The following GOLGB1 variants were observed in gnomAD, a reference collection of about 807,000 sequenced individuals.
GOLGB1 encodes the protein golgin B1.
In GOLGB1, 174 loss-of-function variants were observed where a neutral mutation model predicts 336.9. That is an observed-to-expected ratio of 0.52 (90% CI 0.46 to 0.59). GOLGB1 has a LOEUF of 0.59. Ranked by LOEUF, GOLGB1 falls within the 20% of genes least tolerant of loss-of-function variation. The pLI is 0.00. For synonymous variants in GOLGB1, 1,208 were observed against 1,289.2 expected (o/e 0.94, Z 1.35); for missense variants, 3,331 against 3,645.3 (o/e 0.91, Z 2.22).
At chr3:121,716,092 T>TGTC (rs1229970907) in intron 9 of GOLGB1, among the ~76,000 whole-genome samples, 1 of 152,206 alleles carries the variant, frequency 6.6e-6, no homozygotes, top group African/African-American at 2.4e-5. Context: ...TTTATGTCTA[T>TGTC]GTCAATATAT....
rs763594097 is a variant in GOLGB1 at position 121,694,952 on chromosome 3, T to G, written c.5571A>C (p.Leu1857Phe). 6.2e-7 allele frequency: 1 copy of G among 1,614,156 alleles called. No individual in the cohort carries two copies. Among genetic ancestry groups the G allele is most frequent in the East Asian group, 2.2e-5 (1 of 44,880 alleles). The stretch of plus-strand genomic sequence containing the variant: ...CCTTGTTTTTCTGCTTCTCCTCCTC[T>G]AATCCAGCAATTCTTTCTTTGAGCT... ...IDQLKERIAGLEEEKQKNKEF... is the reference protein window; with the variant it reads ...IDQLKERIAGFEEEKQKNKEF... The change falls in exon 13 of 22, where the codon TTA becomes TTC. Residue 1857 changes from leucine to phenylalanine, a missense_variant. By Grantham distance (22) the Leu-to-Phe change is conservative (BLOSUM62 0). Coordinates refer to ENST00000614479, the MANE Select transcript of GOLGB1 (RefSeq NM_001366282.2).
At chr3:121,665,869 C>T (rs893694642) in intron 20 of GOLGB1, among the ~76,000 whole-genome samples, 48 of 152,276 alleles carry the variant, frequency 3.2e-4, no homozygotes, top group Middle Eastern at 6.8e-3. Context: ...TTCTTTTCCC[C>T]GGGAGAGAAG....
chr3:121,687,747 C>T (rs1229670393), intron 14 of GOLGB1, among the ~76,000 whole-genome samples: 1 of 152,154 alleles, frequency 6.6e-6, no homozygotes, highest in Admixed American at 6.6e-5. Context: ...ACATAGTTAG[C>T]TAATTCAGAA....
At chr3:121,733,839 T>C (rs540200609) in intron 1 of GOLGB1, among the ~76,000 whole-genome samples, 8 of 152,250 alleles carry the variant, frequency 5.3e-5, no homozygotes, top group South Asian at 2.1e-4. Flanking sequence ...TGTGGAACAA[T>C]TGGACATCTG....
Position 121,694,919 on chromosome 3 carries a change from G to A in GOLGB1, c.5604C>T (p.Ser1868=), listed in dbSNP as rs1942799950. ...EEEKQKNKEF[S]QTLENEKNTL... is the part of the protein sequence containing the mutation. The stretch of plus-strand genomic sequence containing the variant: ...TATTTTTCTCATTTTCTAAAGTCTG[G>A]CTAAATTCCTTGTTTTTCTGCTTCT... The change falls in exon 13 of 22, where the codon AGC becomes AGT. Residue 1868 remains serine, a synonymous_variant. Coordinates refer to ENST00000614479, the MANE Select transcript of GOLGB1 (RefSeq NM_001366282.2). 6.2e-7 allele frequency: 1 copy of A among 1,613,850 alleles called. No homozygotes were observed. Among genetic ancestry groups the A allele is most frequent in the Non-Finnish European group, 8.5e-7 (1 of 1,179,820 alleles).
chr3:121,727,928 C>A (rs1945799230), intron 4 of GOLGB1, among the ~76,000 whole-genome samples: 1 of 152,156 alleles, frequency 6.6e-6, no homozygotes, highest in African/African-American at 2.4e-5. Flanking sequence ...ACTTAGAAAT[C>A]ATTTCTTTAA....
intron 17 of GOLGB1, among the ~76,000 whole-genome samples, chr3:121,673,367 C>T (rs1219598987): frequency 6.6e-6 from 1 of 152,074 alleles, no homozygotes; most frequent in African/African-American, 2.4e-5. Context: ...CCACACTCGA[C>T]CCAGTTTTCC....
chr3:121,697,273 C>T lies in GOLGB1; in HGVS notation c.3250G>A (p.Asp1084Asn), dbSNP rs763531392. ...KEVELQHIRK[D>N]LEEKLAAEEQ... The stretch of plus-strand genomic sequence containing the variant: ...TCAGCTGCCAGCTTTTCTTCCAAAT[C>T]CTTCCTTATATGCTGTAGTTCCACT... The change falls in exon 13 of 22, where the codon GAT (aspartate) becomes AAT (asparagine). Residue 1084 changes from aspartate (D) to asparagine (N), a missense_variant. Asp to Asn is a conservative substitution (Grantham distance 23). Coordinates refer to ENST00000614479, the MANE Select transcript of GOLGB1 (RefSeq NM_001366282.2). The T allele has an allele frequency of 6.2e-6, 10 of 1,613,898 alleles. No homozygotes were observed. Among genetic ancestry groups the T allele is most frequent in the Non-Finnish European group, 8.5e-6 (10 of 1,179,970 alleles).
chr3:121,716,680 A>T, intron 9 of GOLGB1, 57 bp downstream of exon 9: 1 of 1,352,904 alleles, frequency 7.4e-7, no homozygotes, highest in Non-Finnish European at 1.0e-6. Flanking sequence ...TGAAAATATG[A>T]AATACAAGCC....
At position 121,681,845 on chromosome 3, in the gene GOLGB1, C is replaced by T; in HGVS notation, c.8715G>A (p.Leu2905=). The T allele has an allele frequency of 1.2e-6, 2 of 1,602,388 alleles. No homozygotes were observed. Among genetic ancestry groups the T allele is most frequent in the Non-Finnish European group, 1.7e-6 (2 of 1,171,300 alleles). Residue 2905 remains leucine (L), a synonymous_variant, in exon 15 of 22, where the codon CTG becomes CTA. Transcript: ENST00000614479. ...GATTAATCTGTAAGTATTGCTGCTGCAGATTCTTCAATTCCTTCAGCTTTA... is the reference window on the plus strand; with the variant it reads ...GATTAATCTGTAAGTATTGCTGCTGTAGATTCTTCAATTCCTTCAGCTTTA... ...RDRLLKELKN[L]QQQYLQINQE...
In GOLGB1 at chr3:121,714,460, T is replaced by C. The variant is rs537102685; in HGVS notation, c.1404+401A>G. On this transcript the variant is annotated intron_variant, in intron 10 of 21. Coordinates refer to ENST00000614479, the MANE Select transcript of GOLGB1 (RefSeq NM_001366282.2). ...ATTAATGGGAACAATATGATTTCCA[T>C]AGTAGACTTTTAAGTTTGATTAGAC... is the stretch of plus-strand genomic sequence containing the variant. Among the ~76,000 whole-genome samples, 22 of 152,170 alleles carry C rather than the reference T, an allele frequency of 1.4e-4. No homozygotes were observed. The South Asian group carries it at 4.2e-3, about 29-fold the overall frequency.
intron 12 of GOLGB1, among the ~76,000 whole-genome samples, 191 bp downstream of exon 12, chr3:121,699,621 G>C (rs895615751): frequency 6.6e-6 from 1 of 152,096 alleles, no homozygotes; most frequent in Non-Finnish European, 1.5e-5. Flanking sequence ...TTAGAACAAT[G>C]AATTTTAATA....
chr3:121,729,158 G>T (rs890192626), intron 4 of GOLGB1, 30 bp downstream of exon 4: 3 of 1,534,630 alleles, frequency 2.0e-6, no homozygotes, highest in African/African-American at 2.8e-5. Flanking sequence ...TTTCAACTTA[G>T]GAAATATACA....
chr3:121,739,580 A>T (rs1303548583), intron 1 of GOLGB1, among the ~76,000 whole-genome samples: 1 of 152,122 alleles, frequency 6.6e-6, no homozygotes. Context: ...GAACAAGAAA[A>T]TGAGTAAATA....
chr3:121,714,268 G>C (rs1005362586), intron 10 of GOLGB1, among the ~76,000 whole-genome samples: 1 of 152,158 alleles, frequency 6.6e-6, no homozygotes, highest in Non-Finnish European at 1.5e-5. Context: ...AGTCAATTAA[G>C]AACATCAAAC....
Position 121,691,509 on chromosome 3 carries a change from G to T in GOLGB1, c.7855C>A (p.Leu2619Ile). 6.2e-7 allele frequency: 1 copy of T among 1,612,072 alleles called. No homozygotes were observed. Among genetic ancestry groups the T allele is most frequent in the Non-Finnish European group, 8.5e-7 (1 of 1,179,286 alleles). Residue 2619 changes from leucine to isoleucine, a missense_variant, in exon 14 of 22, where the codon CTA becomes ATA. Coordinates refer to ENST00000614479, the MANE Select transcript of GOLGB1 (RefSeq NM_001366282.2). ...TGCAAGGCTGTTACTTGTCTTGTTAGCTGGGATATAGATACTTTCAAACTC... is the reference window on the plus strand; with the variant it reads ...TGCAAGGCTGTTACTTGTCTTGTTATCTGGGATATAGATACTTTCAAACTC... ...IESLKVSISQ[L>I]TRQVTALQEE...
chr3:121,701,939 C>T (rs7646585), intron 11 of GOLGB1, among the ~76,000 whole-genome samples: 105,610 of 151,882 alleles, frequency 0.7, 37,504 homozygotes, highest in East Asian at 0.85. Flanking sequence ...CTTTTGGGGA[C>T]CAATACCAAA....
At position 121,729,266 on chromosome 3, in the gene GOLGB1, A is replaced by T. The variant is rs1365793210; in HGVS notation, c.324T>A (p.Asn108Lys). The change falls in exon 4 of 22, where the codon AAT (asparagine) becomes AAA (lysine). Residue 108 changes from asparagine (N) to lysine (K), a missense_variant. Coordinates refer to ENST00000614479, the MANE Select transcript of GOLGB1 (RefSeq NM_001366282.2). Reference sequence around the variant, plus strand: ...GTGCTTTCATTTCTTCTATGTATTTATTCAAAGAAGTTAATTTGGCCTTCG... The same window carrying T: ...GTGCTTTCATTTCTTCTATGTATTTTTTCAAAGAAGTTAATTTGGCCTTCG... Reference protein sequence around the residue: ...LHAKAKLTSLNKYIEEMKAQG... With the variant: ...LHAKAKLTSLKKYIEEMKAQG... 1 of 1,612,948 alleles carries T rather than the reference A, an allele frequency of 6.2e-7. No homozygotes were observed. The highest frequency in any genetic ancestry group is 8.5e-7 in the Non-Finnish European group (1 of 1,179,062).
At chr3:121,684,808 A>G (rs1280759762) in intron 14 of GOLGB1, among the ~76,000 whole-genome samples, 7 of 152,242 alleles carry the variant, frequency 4.6e-5, no homozygotes, top group African/African-American at 1.7e-4. Context: ...AAGATGGCAC[A>G]AAACCAAGAA....
Sources: gnomAD v4.1 joint callset for allele counts (sites outside exome capture counted in the v4.1 genomes callset) on GRCh38, gnomAD v4.1.1 for gene constraint, MANE v1.5 for transcripts, NCBI Gene and HGNC (gene_info 2026-07-23, HGNC 2026-07-21) for gene names.